Variants in IGDCC4 observed in about 807,000 individuals in gnomAD.
IGDCC4 encodes likely ortholog of mouse neighbor of Punc E11.
Under a neutral mutation model 116.6 loss-of-function variants are expected in IGDCC4, and 72 were observed. That is an observed-to-expected ratio of 0.62 (90% confidence interval 0.51 to 0.75). The LOEUF is 0.75. IGDCC4 is among the 30% of genes least tolerant of loss of function. IGDCC4 has a pLI of 0.00. For missense variants in IGDCC4, 1,501 were observed against 1,662.4 expected (o/e 0.90, Z 1.69); for synonymous variants, 709 against 719.9 (o/e 0.98, Z 0.24).
chr15:65,412,998 T>G (rs974623708), intron 1 of IGDCC4, among the ~76,000 whole-genome samples: 2 of 147,966 alleles, frequency 1.4e-5, no homozygotes, highest in South Asian at 4.3e-4. Flanking sequence ...CAAGAAACAT[T>G]TAAAATGTAT....
rs897343309 is a variant in IGDCC4, at chr15:65,393,907, T to C, written c.1715-376A>G. Among the ~76,000 whole-genome samples the C allele has an allele frequency of 6.6e-6, 1 of 152,242 alleles. No individual in the cohort carries two copies. The highest frequency in any genetic ancestry group is 1.5e-5 in the Non-Finnish European group (1 of 68,038). On this transcript the variant is annotated intron_variant, in intron 9 of 19. Coordinates refer to ENST00000352385, the MANE Select transcript of IGDCC4 (RefSeq NM_020962.3). The surrounding 1 kb of genome is among the most constrained non-coding windows in gnomAD (Gnocchi z 4.6). ...GCTTCCAGAGCCCTGAGGGCCACCA[T>C]GGCCACTTCCTCACCCTTCCCTCCT...
In IGDCC4 at chr15:65,410,294, C is replaced by A. The variant is rs142587426; in HGVS notation, c.447G>T (p.Pro149=). Residue 149 remains proline, a synonymous_variant, in exon 3 of 20, where the codon CCG becomes CCT. Transcript: ENST00000352385. Reference sequence around the variant, plus strand: ...CGTTCTCCTCCACCGTCTGAGACTCCGGGTGCAGAGAGAAGTCTGCGAGTG... The same window carrying A: ...CGTTCTCCTCCACCGTCTGAGACTCAGGGTGCAGAGAGAAGTCTGCGAGTG... The part of the protein sequence containing the change: ...LATLADFSLH[P]ESQTVEENGT... 8.7e-6 allele frequency: 14 copies of A among 1,613,884 alleles called. No homozygotes were observed. In the African/African-American group the frequency reaches 1.9e-4, roughly 22 times the overall value.
rs575023266 is a variant in IGDCC4 at position 65,389,318 on chromosome 15, G to A, written c.2502C>T (p.Phe834=). 140 of 1,614,074 alleles carry A rather than the reference G, an allele frequency of 8.7e-5. No homozygotes were observed. The highest frequency in any genetic ancestry group is 5.6e-4 in the South Asian group (51 of 91,070). The change falls in exon 14 of 20, where the codon TTC becomes TTT. Residue 834 remains phenylalanine (F), a synonymous_variant. Transcript: ENST00000352385. ...QSHGVDMDGP[F]GSVVERSTLP... ...GGGTGGAGCGCTCCACCACAGAGCC[G>A]AAAGGCCCATCCATGTCCACGCCGT...
intron 16 of IGDCC4, among the ~76,000 whole-genome samples, chr15:65,387,208 G>A (rs1359448861): frequency 1.3e-5 from 2 of 151,762 alleles, no homozygotes; most frequent in African/African-American, 4.8e-5. Context: ...TAAATTTTTT[G>A]TGGAGACAGG....
rs752955641 is a variant in IGDCC4, at chr15:65,395,185, G to A, written c.1485C>T (p.Pro495=). Residue 495 remains proline, a synonymous_variant, in exon 8 of 20, where the codon CCC becomes CCT. Transcript: ENST00000352385. The part of the protein sequence containing the change: ...TTELQVRDLE[P]NTDYEFYVVA... Reference sequence around the variant, plus strand: ...CCACGTAGAACTCATAATCTGTGTTGGGTTCCAGGTCCCGAACCTGTAGTT... The same window carrying A: ...CCACGTAGAACTCATAATCTGTGTTAGGTTCCAGGTCCCGAACCTGTAGTT... 8 of 1,613,954 alleles carry A rather than the reference G, an allele frequency of 5.0e-6. No individual in the cohort carries two copies. The highest frequency in any genetic ancestry group is 3.4e-6 in the Non-Finnish European group (4 of 1,179,936).
At chr15:65,406,229 G>T (rs1039539732) in intron 3 of IGDCC4, among the ~76,000 whole-genome samples, 1 of 152,180 alleles carries the variant, frequency 6.6e-6, no homozygotes, top group Non-Finnish European at 1.5e-5. Flanking sequence ...AAGTGTTGCT[G>T]GTTTTCCATT....
rs372985723 is a variant in IGDCC4 at position 65,388,580 on chromosome 15, A to T, written c.2714T>A (p.Ile905Asn). Residue 905 changes from isoleucine to asparagine, a missense_variant, in exon 16 of 20, where the codon ATC (isoleucine) becomes AAC (asparagine). Around this residue, in one of 3 missense-constraint regions of IGDCC4, gnomAD observed 235 missense variants for 328.0 expected, o/e 0.72. Transcript: ENST00000352385. ...CAGGCCATGGACCTCAGCACTGAAGATGTTTCCTGGGGGTGAGGGAGGCAG... is the reference window on the plus strand; with the variant it reads ...CAGGCCATGGACCTCAGCACTGAAGTTGTTTCCTGGGGGTGAGGGAGGCAG... ...QWTLLTTQGN[I>N]FSAEVHGLES... The T allele has an allele frequency of 1.8e-5, 29 of 1,613,878 alleles. No homozygotes were observed. The highest frequency in any genetic ancestry group is 2.5e-5 in the Non-Finnish European group (29 of 1,180,022).
At chr15:65,420,401 A>G (rs1344333532) in intron 1 of IGDCC4, among the ~76,000 whole-genome samples, 2 of 152,144 alleles carry the variant, frequency 1.3e-5, no homozygotes, top group Non-Finnish European at 2.9e-5. Context: ...CTGGATTGCT[A>G]CAACAGCCTC....
chr15:65,393,355 C>CCGT lies in IGDCC4; in HGVS notation c.1885+3_1885+5dup. On this transcript the variant is annotated splice_donor_region_variant and intron_variant, in intron 10 of 19. Transcript: ENST00000352385. This position sits in a 1 kb window ranked among gnomAD's most constrained non-coding sequence, Gnocchi z 4.6. ...ACACTGTCCTGTCTCTCCTCTAACC[C>CCGT]CGTACCATGGCTCTGGTTGTGCATA... 1 of 1,607,036 alleles carries CCGT rather than the reference C, an allele frequency of 6.2e-7. No homozygotes were observed. The highest frequency in any genetic ancestry group is 1.1e-5 in the South Asian group (1 of 89,636).
intron 2 of IGDCC4, 78 bp downstream of exon 2, chr15:65,410,942 T>A: frequency 8.5e-7 from 1 of 1,170,082 alleles, no homozygotes; most frequent in South Asian, 1.5e-5. Context: ...TTTGTGCAAG[T>A]AACTAACTGC....
intron 13 of IGDCC4, 121 bp from the exon 14 acceptor site, chr15:65,389,532 T>A: frequency 7.1e-7 from 1 of 1,402,376 alleles, no homozygotes; most frequent in Non-Finnish European, 9.9e-7. Context: ...GAAGGGAAGC[T>A]GCTCCCTGGC....
intron 4 of IGDCC4, among the ~76,000 whole-genome samples, chr15:65,402,093 A>C (rs921483303): frequency 6.6e-6 from 1 of 152,108 alleles, no homozygotes; most frequent in Non-Finnish European, 1.5e-5. Flanking sequence ...ACTGCATCCA[A>C]CCAGAGGGCA....
intron 1 of IGDCC4, among the ~76,000 whole-genome samples, chr15:65,416,122 C>T (rs2063140352): frequency 6.8e-6 from 1 of 147,220 alleles, no homozygotes; most frequent in African/African-American, 2.5e-5. Flanking sequence ...CGCTGACTGC[C>T]TAAAATGTTT....
At chr15:65,400,737 A>T (rs2062976360) in intron 5 of IGDCC4, 69 bp downstream of exon 5, 2 of 1,529,056 alleles carry the variant, frequency 1.3e-6, no homozygotes, top group Non-Finnish European at 1.8e-6. Flanking sequence ...CATCCCCCTG[A>T]CTTAGGGGCA....
At chr15:65,417,403 G>A (rs532579813) in intron 1 of IGDCC4, among the ~76,000 whole-genome samples, 111 of 152,108 alleles carry the variant, frequency 7.3e-4, no homozygotes, top group Non-Finnish European at 1.4e-3. Flanking sequence ...CCTATCTCCC[G>A]CTCCCCTGAG....
At chr15:65,422,667 G>T in intron 1 of IGDCC4, 126 bp downstream of exon 1, 1 of 719,260 alleles carries the variant, frequency 1.4e-6, no homozygotes. Flanking sequence ...GCGGGCACCT[G>T]GACGCGCAGC....
intron 5 of IGDCC4, among the ~76,000 whole-genome samples, chr15:65,399,223 C>A (rs2062959523): frequency 6.6e-6 from 1 of 152,146 alleles, no homozygotes; most frequent in African/African-American, 2.4e-5. Flanking sequence ...GTAATCCCAG[C>A]ACCTTGGGAG....
Position 65,421,964 on chromosome 15 carries a change from T to C in IGDCC4, c.70+829A>G, listed in dbSNP as rs182846490. On this transcript the variant is annotated intron_variant, in intron 1 of 19. Transcript: ENST00000352385. Reference sequence around the variant, plus strand: ...GACTTACCCCGTACCCACTCCGCACTGGGCTGCGGACTGGATGAGGCCCTG... The same window carrying C: ...GACTTACCCCGTACCCACTCCGCACCGGGCTGCGGACTGGATGAGGCCCTG... Among the ~76,000 whole-genome samples the C allele has an allele frequency of 2.4e-3, 367 of 152,208 alleles. 2 individuals are homozygous for C. Among genetic ancestry groups the C allele is most frequent in the Middle Eastern group, 0.024 (7 of 294 alleles).
intron 3 of IGDCC4, among the ~76,000 whole-genome samples, chr15:65,405,914 A>G (rs926352991): frequency 2.0e-5 from 3 of 152,234 alleles, no homozygotes; most frequent in Admixed American, 2.0e-4. Context: ...CCCGAGGATT[A>G]AAGAACACAG....
Sources: allele counts gnomAD v4.1 joint callset (sites outside exome capture counted in the v4.1 genomes callset), GRCh38; gene constraint gnomAD v4.1.1; regional missense constraint gnomAD v4.1.1; non-coding constraint Gnocchi (gnomAD v3.1); transcripts MANE v1.5; gene names NCBI Gene and HGNC (gene_info 2026-07-23, HGNC 2026-07-21).